Variants in ERBB4 observed in about 807,000 individuals in gnomAD.
The protein encoded by ERBB4 is receptor tyrosine-protein kinase erbB-4.
In ERBB4, 42 loss-of-function variants were observed where a neutral mutation model predicts 158.0. That is an observed-to-expected ratio of 0.27 (90% confidence interval 0.21 to 0.34). The LOEUF (loss-of-function observed/expected upper bound fraction) is 0.34, where lower values mean the gene tolerates loss of function less well. Ranked by LOEUF, ERBB4 falls within the 10% of genes least tolerant of loss-of-function variation. ERBB4 has a pLI of 1.00. For missense variants in ERBB4, 1,333 were observed against 1,624.1 expected (o/e 0.82, Z 3.08); for synonymous variants, 583 against 558.7 (o/e 1.04, Z -0.61).
At chr2:212,040,854 G>A (rs979034193) in intron 2 of ERBB4, among the ~76,000 whole-genome samples, 5 of 152,016 alleles carry the variant, frequency 3.3e-5, no homozygotes, top group Non-Finnish European at 7.4e-5. Flanking sequence ...CAACTTTTGC[G>A]TATTTAATTG....
In ERBB4 at chr2:212,478,258, C is replaced by A. The variant is rs896620210; in HGVS notation, c.82+60191G>T. ...TATGAGATTAATTACAGAGCTTGTA[C>A]CAGGCATGTTTTCTGGTACCAGTCT... On this transcript the variant is annotated intron_variant, in intron 1 of 27. Transcript: ENST00000342788. 2.0e-5 allele frequency among the ~76,000 whole-genome samples: 3 copies of A among 152,102 alleles called. No homozygotes were observed. The East Asian group carries it at 5.8e-4, about 29-fold the overall frequency.
intron 20 of ERBB4, among the ~76,000 whole-genome samples, chr2:211,433,309 C>T (rs376677330): frequency 6.6e-6 from 1 of 151,422 alleles, no homozygotes; most frequent in Non-Finnish European, 1.5e-5. Context: ...AGGCCGGGCG[C>T]GGTGGCTCAC....
At chr2:211,442,051 G>A (rs1313287079) in intron 20 of ERBB4, among the ~76,000 whole-genome samples, 1 of 151,924 alleles carries the variant, frequency 6.6e-6, no homozygotes, top group African/African-American at 2.4e-5. Flanking sequence ...TTTTCACTCA[G>A]GTAGCCAAAA....
intron 1 of ERBB4, among the ~76,000 whole-genome samples, chr2:212,442,491 T>C (rs2092275813): frequency 6.6e-6 from 1 of 152,152 alleles, no homozygotes; most frequent in African/African-American, 2.4e-5. Flanking sequence ...TTTTGGGGAC[T>C]CCTGGGCACT....
intron 1 of ERBB4, among the ~76,000 whole-genome samples, chr2:212,144,141 T>G (rs1175008931): frequency 6.6e-6 from 1 of 152,178 alleles, no homozygotes; most frequent in Non-Finnish European, 1.5e-5. Context: ...GCACACAGAA[T>G]TCTGTTGGAT....
At chr2:211,708,642 C>T (rs1269239907) in intron 9 of ERBB4, among the ~76,000 whole-genome samples, 1 of 150,818 alleles carries the variant, frequency 6.6e-6, no homozygotes, top group Non-Finnish European at 1.5e-5. Flanking sequence ...CTCTCTCTCT[C>T]TCACTATCTT....
At chr2:212,516,881 A>T (rs1032021847) in intron 1 of ERBB4, among the ~76,000 whole-genome samples, 7 of 152,128 alleles carry the variant, frequency 4.6e-5, no homozygotes, top group African/African-American at 1.7e-4. Context: ...GTATTGAAGA[A>T]ATGAATGTCT....
chr2:211,956,563 T>C (rs2081040568), intron 2 of ERBB4, among the ~76,000 whole-genome samples: 1 of 152,044 alleles, frequency 6.6e-6, no homozygotes, highest in African/African-American at 2.4e-5. Flanking sequence ...ACGTTCCTCT[T>C]CTGCACAACA....
chr2:212,420,287 C>T (rs947658022), intron 1 of ERBB4, among the ~76,000 whole-genome samples: 15 of 151,966 alleles, frequency 9.9e-5, no homozygotes, highest in Non-Finnish European at 2.1e-4. Flanking sequence ...ATTTAGGAGA[C>T]TAATGTTAGG....
At chr2:211,457,400 ATG>A (rs1384242574) in intron 20 of ERBB4, among the ~76,000 whole-genome samples, 1 of 152,204 alleles carries the variant, frequency 6.6e-6, no homozygotes, top group African/African-American at 2.4e-5. Flanking sequence ...GAAGTATCAT[ATG>A]TGTTAGTCAT....
intron 3 of ERBB4, among the ~76,000 whole-genome samples, chr2:211,898,211 T>A (rs975266966): frequency 5.3e-5 from 8 of 152,170 alleles, no homozygotes; most frequent in African/African-American, 1.9e-4. Context: ...ATGCCTATTT[T>A]AAATGTGATA....
intron 9 of ERBB4, among the ~76,000 whole-genome samples, chr2:211,706,427 G>A (rs1387387035): frequency 1.3e-5 from 2 of 152,016 alleles, no homozygotes; most frequent in Non-Finnish European, 2.9e-5. Flanking sequence ...TATGGCCTAT[G>A]TCCTGGGGAT....
chr2:211,999,377 C>T (rs138434034), intron 2 of ERBB4, among the ~76,000 whole-genome samples: 41 of 151,914 alleles, frequency 2.7e-4, no homozygotes, highest in African/African-American at 9.9e-4. Context: ...ATATAAAACA[C>T]AGTAGTGTGA....
intron 2 of ERBB4, among the ~76,000 whole-genome samples, chr2:212,108,529 C>T (rs138618060): frequency 1.3e-5 from 2 of 152,190 alleles, no homozygotes; most frequent in East Asian, 3.9e-4. Context: ...TTATACCATA[C>T]TTTAAAACTC....
At chr2:211,946,821 C>T (rs577176421) in intron 3 of ERBB4, among the ~76,000 whole-genome samples, 34 of 151,730 alleles carry the variant, frequency 2.2e-4, no homozygotes, top group African/African-American at 7.7e-4. Flanking sequence ...AAATTCCTAT[C>T]GAGTGTTTTT....
intron 1 of ERBB4, among the ~76,000 whole-genome samples, chr2:212,223,978 G>A (rs1188614033): frequency 6.6e-6 from 1 of 151,758 alleles, no homozygotes; most frequent in East Asian, 1.9e-4. Flanking sequence ...ATCTGTAATA[G>A]ATTGCAAAAT....
intron 2 of ERBB4, among the ~76,000 whole-genome samples, chr2:212,097,991 G>A (rs1453702565): frequency 6.6e-6 from 1 of 152,136 alleles, no homozygotes; most frequent in Non-Finnish European, 1.5e-5. Context: ...GGAATTCTCT[G>A]ATTTATGTGG....
At chr2:212,230,553 T>TCGAATA (rs2083627865) in intron 1 of ERBB4, among the ~76,000 whole-genome samples, 1 of 152,184 alleles carries the variant, frequency 6.6e-6, no homozygotes, top group Non-Finnish European at 1.5e-5. Context: ...GTAATTACTG[T>TCGAATA]TTTAAAATGT....
chr2:212,377,297 A>G (rs1466727785), intron 1 of ERBB4, among the ~76,000 whole-genome samples: 1 of 150,416 alleles, frequency 6.6e-6, no homozygotes, highest in East Asian at 1.9e-4. Context: ...ATACACACAC[A>G]CATACTCATG....
Sources: gnomAD v4.1 joint callset for allele counts (sites outside exome capture counted in the v4.1 genomes callset) on GRCh38, gnomAD v4.1.1 for gene constraint, MANE v1.5 for transcripts, NCBI Gene and HGNC (gene_info 2026-07-23, HGNC 2026-07-21) for gene names.